The following PPP6R1 variants were observed in gnomAD, a reference collection of about 807,000 sequenced individuals.
PPP6R1 encodes serine/threonine-protein phosphatase 6 regulatory subunit 1.
A neutral mutation model predicts 104.6 loss-of-function variants in PPP6R1; 39 were observed. The ratio of observed to expected loss-of-function variants is 0.37; its 90% CI spans 0.29 to 0.49. The LOEUF is 0.49. Among genes scored for constraint, PPP6R1 ranks in the 20% least tolerant of loss-of-function variants. The pLI, the probability that PPP6R1 is intolerant of heterozygous loss-of-function variation, is 0.98. For missense variants in PPP6R1, 1,181 were observed against 1,155.8 expected, an observed-to-expected ratio of 1.02 and a Z score of -0.32; for synonymous variants, 549 against 479.0, an observed-to-expected ratio of 1.15 and a Z score of -1.91.
At chr19:55,244,414 G>C (rs77619334) in intron 5 of PPP6R1, among the ~76,000 whole-genome samples, 1 of 152,244 alleles carries the variant, frequency 6.6e-6, no homozygotes, top group South Asian at 2.1e-4. Context: ...GGGAGGATGT[G>C]AGGGCGCTTG....
Position 55,245,628 on chromosome 19 carries a change from T to C in PPP6R1, c.278A>G (p.Asn93Ser), listed in dbSNP as rs761253875. The stretch of plus-strand genomic sequence containing the variant: ...GGACTCATCAGCACCCAGGGCATCA[T>C]TGATCTGGGGCACATCTGAGGTCAG... ...EILTSDVPQI[N>S]DALGADESLL... is the part of the protein sequence containing the mutation. Residue 93 changes from asparagine to serine, a missense_variant, in exon 3 of 24, where the codon AAT (asparagine) becomes AGT (serine). By Grantham distance (46) the Asn-to-Ser change is conservative. Transcript: ENST00000412770. The surrounding 1 kb of genome is among the most constrained non-coding windows in gnomAD (Gnocchi z 6.4). 80 of 1,611,110 alleles carry C rather than the reference T, an allele frequency of 5.0e-5. No homozygotes were observed. Among genetic ancestry groups the C allele is most frequent in the East Asian group, 6.7e-5 (3 of 44,876 alleles).
intron 5 of PPP6R1, among the ~76,000 whole-genome samples, chr19:55,244,296 G>T (rs2087486537): frequency 6.6e-6 from 1 of 152,218 alleles, no homozygotes; most frequent in South Asian, 2.1e-4. Flanking sequence ...GATATCTGAG[G>T]CTCTTGACAA....
intron 1 of PPP6R1, among the ~76,000 whole-genome samples, chr19:55,252,566 T>G (rs1390807140): frequency 6.6e-6 from 1 of 152,056 alleles, no homozygotes; most frequent in Non-Finnish European, 1.5e-5. Flanking sequence ...CAGCTAATTT[T>G]TGTGTGTGTT....
chr19:55,253,147 G>C (rs1243740312), intron 1 of PPP6R1, among the ~76,000 whole-genome samples: 1 of 152,250 alleles, frequency 6.6e-6, no homozygotes, highest in Non-Finnish European at 1.5e-5. Flanking sequence ...GCCAGCATCT[G>C]TAGAAAATCC....
chr19:55,246,608 C>G (rs963773818), intron 2 of PPP6R1, among the ~76,000 whole-genome samples: 1 of 152,220 alleles, frequency 6.6e-6, no homozygotes, highest in African/African-American at 2.4e-5. Flanking sequence ...GCTACTCGGG[C>G]AACTGAGGCG....
Position 55,239,680 on chromosome 19 carries a change from T to C in PPP6R1, c.1567A>G (p.Asn523Asp), listed in dbSNP as rs1374334301. 6.2e-7 allele frequency: 1 copy of C among 1,610,236 alleles called. No homozygotes were observed. The highest frequency in any genetic ancestry group is 1.3e-5 in the African/African-American group (1 of 74,814). Residue 523 changes from asparagine (N) to aspartate (D), a missense_variant, in exon 14 of 24, where the codon AAC becomes GAC. This residue lies in a region of PPP6R1 where 1,042 missense variants were observed against 955.6 expected (regional missense o/e 1.09). Transcript: ENST00000412770. Reference protein sequence around the residue: ...TNKKNMVDLVNTHHLHSSSDD... With the variant: ...TNKKNMVDLVDTHHLHSSSDD... ...CTGGAGGAGTGTAGGTGGTGGGTGTTCACCTGGGGAGAGGAGGGGGCGTCA... is the reference window on the plus strand; with the variant it reads ...CTGGAGGAGTGTAGGTGGTGGGTGTCCACCTGGGGAGAGGAGGGGGCGTCA...
At chr19:55,233,836 T>C (rs1182198337) in intron 17 of PPP6R1, among the ~76,000 whole-genome samples, 1 of 152,232 alleles carries the variant, frequency 6.6e-6, no homozygotes. Context: ...GGTGGCTTCT[T>C]GGTTGAAATT....
At position 55,258,585 on chromosome 19, in the gene PPP6R1, G is replaced by A. The variant is rs1230978663; in HGVS notation, c.-157C>T. 1 of 149,588 alleles carries A rather than the reference G, an allele frequency of 6.7e-6. No homozygotes were observed. The highest frequency in any genetic ancestry group is 6.6e-5 in the Admixed American group (1 of 15,074). The allele number at this position is 149,588 out of a possible 1,614,324, so 9.3% of individuals were successfully genotyped here. On this transcript the variant is annotated 5_prime_UTR_variant, in exon 1 of 24. Transcript: ENST00000412770. ...CTCGCGCAGGCGCCGGGGCTCGCGGGGTCCGCGCAGGCGCCCGCGGGTCGT... is the reference window on the plus strand; with the variant it reads ...CTCGCGCAGGCGCCGGGGCTCGCGGAGTCCGCGCAGGCGCCCGCGGGTCGT...
chr19:55,240,078 G>A lies in PPP6R1; in HGVS notation c.1398C>T (p.His466=), dbSNP rs1352550944. The A allele has an allele frequency of 6.2e-7, 1 of 1,600,536 alleles. No homozygotes were observed. The highest frequency in any genetic ancestry group is 8.5e-7 in the Non-Finnish European group (1 of 1,174,868). ...CCAGGGCACCGGCCACTCTTGTCAG[G>A]TGACCCATGTAGCCTTTCCGAGGGC... ...AGGPRKGYMG[H]LTRVAGALVQ... Residue 466 remains histidine (H), a synonymous_variant, in exon 12 of 24, where the codon CAC becomes CAT. Transcript: ENST00000412770.
chr19:55,254,809 C>A (rs557273636), intron 1 of PPP6R1, among the ~76,000 whole-genome samples: 41 of 152,358 alleles, frequency 2.7e-4, no homozygotes, highest in African/African-American at 9.4e-4. Context: ...AGACCATCTC[C>A]CTCTAATGTC....
At chr19:55,256,528 C>T (rs902316063) in intron 1 of PPP6R1, among the ~76,000 whole-genome samples, 1 of 152,198 alleles carries the variant, frequency 6.6e-6, no homozygotes, top group Non-Finnish European at 1.5e-5. Flanking sequence ...ATCGAAAGAA[C>T]GGCCAGGTGT....
chr19:55,237,263 T>G (rs1416844724), intron 15 of PPP6R1, among the ~76,000 whole-genome samples: 1 of 152,158 alleles, frequency 6.6e-6, no homozygotes, highest in Admixed American at 6.5e-5. Context: ...GCGACTCTCC[T>G]CAGGCTCTTC....
chr19:55,230,799 G>C lies in PPP6R1; in HGVS notation c.2545C>G (p.Pro849Ala). The C allele has an allele frequency of 1.3e-6, 2 of 1,575,016 alleles. No homozygotes were observed. Among genetic ancestry groups the C allele is most frequent in the Non-Finnish European group, 1.7e-6 (2 of 1,164,116 alleles). The change falls in exon 22 of 24, where the codon CCC becomes GCC. Residue 849 changes from proline (P) to alanine (A), a missense_variant. This residue lies in a region of PPP6R1 where 1,042 missense variants were observed against 955.6 expected (regional missense o/e 1.09). Coordinates refer to ENST00000412770, the MANE Select transcript of PPP6R1 (RefSeq NM_014931.4). Reference sequence around the variant, plus strand: ...CTCTGGCTTTGGGGAAGCCCCAAGGGCTCTGGGCTCTTCTCCCCTTCTGTG... The same window carrying C: ...CTCTGGCTTTGGGGAAGCCCCAAGGCCTCTGGGCTCTTCTCCCCTTCTGTG... ...QTTEGEKSPE[P>A]LGLPQSQSAQ...
In PPP6R1 at chr19:55,241,299, G is replaced by A. The variant is rs780340731; in HGVS notation, c.1101C>T (p.Ser367=). The change falls in exon 9 of 24, where the codon AGC becomes AGT. Residue 367 remains serine (S), a synonymous_variant. Transcript: ENST00000412770. This position sits in a 1 kb window ranked among gnomAD's most constrained non-coding sequence, Gnocchi z 5.4. ...HVVKLLASAL[S]ANDAALTHEL... is the part of the protein sequence containing the mutation. ...CGTGCGTCAGGGCTGCATCATTGGC[G>A]CTCAGGGCACTGGCCAGGAGCTTGA... The A allele has an allele frequency of 8.8e-5, 142 of 1,611,216 alleles. No homozygotes were observed. The highest frequency in any genetic ancestry group is 2.0e-4 in the South Asian group (18 of 91,018).
chr19:55,230,698 G>C lies in PPP6R1; in HGVS notation c.2571-14C>G. The C allele has an allele frequency of 6.4e-7, 1 of 1,569,266 alleles. No homozygotes were observed. Among genetic ancestry groups the C allele is most frequent in the South Asian group, 1.2e-5 (1 of 85,508 alleles). On this transcript the variant is annotated splice_polypyrimidine_tract_variant and intron_variant, in intron 22 of 23. Coordinates refer to ENST00000412770, the MANE Select transcript of PPP6R1 (RefSeq NM_014931.4). ...AGGGCCTGGGCACTGTCAGGGGAGAGAGGGGATGTGCAGAGGTCACTTCCT... is the reference window on the plus strand; with the variant it reads ...AGGGCCTGGGCACTGTCAGGGGAGACAGGGGATGTGCAGAGGTCACTTCCT...
At chr19:55,257,518 T>C (rs2087602285) in intron 1 of PPP6R1, among the ~76,000 whole-genome samples, 1 of 152,176 alleles carries the variant, frequency 6.6e-6, no homozygotes. Context: ...CCAATACATC[T>C]GCACTCAGGA....
In PPP6R1 at chr19:55,241,655, G is replaced by A; in HGVS notation, c.846-16C>T. On this transcript the variant is annotated splice_polypyrimidine_tract_variant and intron_variant, in intron 7 of 23. Transcript: ENST00000412770. The surrounding 1 kb of genome is among the most constrained non-coding windows in gnomAD (Gnocchi z 5.4). ...GGACTCGGACCTGCAGCAGGGCAGG[G>A]TCGAAGGCGGAGTGAGCCTAGATGG... The A allele has an allele frequency of 1.3e-6, 2 of 1,551,690 alleles. No homozygotes were observed. Among genetic ancestry groups the A allele is most frequent in the Non-Finnish European group, 1.7e-6 (2 of 1,148,686 alleles).
chr19:55,230,694 G>A lies in PPP6R1; in HGVS notation c.2571-10C>T. On this transcript the variant is annotated splice_polypyrimidine_tract_variant and intron_variant, in intron 22 of 23. Coordinates refer to ENST00000412770, the MANE Select transcript of PPP6R1 (RefSeq NM_014931.4). ...CGTGAGGGCCTGGGCACTGTCAGGG[G>A]AGAGAGGGGATGTGCAGAGGTCACT... 2 of 1,576,664 alleles carry A rather than the reference G, an allele frequency of 1.3e-6. No homozygotes were observed. The highest frequency in any genetic ancestry group is 1.2e-5 in the South Asian group (1 of 86,366).
chr19:55,232,462 C>T (rs533714269), intron 17 of PPP6R1: 31 of 491,518 alleles, frequency 6.3e-5, no homozygotes, highest in Admixed American at 7.4e-5. Flanking sequence ...GCCAGTCATC[C>T]GTGGAGGGCA....
Sources: allele counts gnomAD v4.1 joint callset (sites outside exome capture counted in the v4.1 genomes callset), GRCh38; gene constraint gnomAD v4.1.1; regional missense constraint gnomAD v4.1.1; non-coding constraint Gnocchi (gnomAD v3.1); transcripts MANE v1.5; gene names NCBI Gene and HGNC (gene_info 2026-07-23, HGNC 2026-07-21).